Variants in KAT2B observed in about 807,000 individuals in gnomAD.
KAT2B encodes the protein lysine acetyltransferase 2B.
KAT2B carries 36 observed loss-of-function variants against 105.9 expected under a neutral mutation model. The observed-to-expected ratio is 0.34, with a 90% confidence interval of 0.26 to 0.45. KAT2B has a LOEUF of 0.45. KAT2B is among the 20% of genes least tolerant of loss of function. The pLI is 1.00. For synonymous variants in KAT2B, 397 were observed against 377.9 expected (o/e 1.05, Z -0.59); for missense variants, 820 against 1,021.6 (o/e 0.80, Z 2.69).
At chr3:20,148,551 T>G in intron 17 of KAT2B, 64 bp downstream of exon 17, 5 of 1,194,412 alleles carry the variant, frequency 4.2e-6, no homozygotes, top group Non-Finnish European at 6.0e-6. Context: ...GGGGGACAAA[T>G]GGTTGCTGAG....
rs1190589579 is a variant in KAT2B, at chr3:20,061,826, AATAT to A, written c.304-10503_304-10500del. Among the ~76,000 whole-genome samples, 61 of 89,310 alleles carry A rather than the reference AATAT, an allele frequency of 6.8e-4. 3 individuals are homozygous for A. The highest frequency in any genetic ancestry group is 2.5e-5 in the Non-Finnish European group (1 of 39,780). The allele number at this position is 89,310 out of a possible 152,430, so 58.6% of individuals were successfully genotyped here. A position where few individuals can be genotyped will look rare whatever the true frequency, so the allele number is the denominator to read the frequency against. ...ATTATATATTATACATAAAGTATAT[AATAT>A]ATAATATACATAAAATATATATAAT... On this transcript the variant is annotated intron_variant, in intron 1 of 17. Transcript: ENST00000263754.
At chr3:20,130,565 G>A (rs918192573) in intron 11 of KAT2B, among the ~76,000 whole-genome samples, 1 of 152,138 alleles carries the variant, frequency 6.6e-6, no homozygotes, top group Non-Finnish European at 1.5e-5. Flanking sequence ...CAAACACCTT[G>A]TTTGGAAATG....
At chr3:20,101,700 T>A (rs1402093572) in intron 5 of KAT2B, among the ~76,000 whole-genome samples, 2 of 152,214 alleles carry the variant, frequency 1.3e-5, no homozygotes, top group African/African-American at 4.8e-5. Flanking sequence ...ACTAGCTATA[T>A]GAGCACTTGA....
chr3:20,053,233 A>T (rs1018909984), intron 1 of KAT2B, among the ~76,000 whole-genome samples: 2 of 152,120 alleles, frequency 1.3e-5, no homozygotes, highest in Non-Finnish European at 2.9e-5. Flanking sequence ...AGTTACAATT[A>T]AATTCTTAAG....
chr3:20,152,100 T>G (rs1699878558), intron 17 of KAT2B, among the ~76,000 whole-genome samples: 1 of 152,086 alleles, frequency 6.6e-6, no homozygotes, highest in Non-Finnish European at 1.5e-5. Context: ...CTAATAATGG[T>G]CCCTTTAATG....
At chr3:20,119,281 T>TC (rs1223719000) in intron 7 of KAT2B, among the ~76,000 whole-genome samples, 1 of 151,152 alleles carries the variant, frequency 6.6e-6, no homozygotes, top group East Asian at 1.9e-4. Flanking sequence ...AATAGTGATT[T>TC]TTTTTTTTTT....
chr3:20,087,630 T>G (rs1244285196), intron 2 of KAT2B, among the ~76,000 whole-genome samples: 1 of 152,188 alleles, frequency 6.6e-6, no homozygotes, highest in Non-Finnish European at 1.5e-5. Context: ...AAATGAAACT[T>G]TGTACTCTGT....
chr3:20,136,865 C>T (rs1699607779), intron 11 of KAT2B, 77 bp from the exon 12 acceptor site: 2 of 689,148 alleles, frequency 2.9e-6, no homozygotes, highest in African/African-American at 3.6e-5. Flanking sequence ...TCTGAATTCA[C>T]CATCATTTCC....
Position 20,062,197 on chromosome 3 carries a change from AT to A in KAT2B, c.304-10135del, listed in dbSNP as rs368523401. ...ATAATATATAATATATAAAATATAT[AT>A]ATTTTATATAAAATATATTATATAT... is the stretch of plus-strand genomic sequence containing the variant. On this transcript the variant is annotated intron_variant, in intron 1 of 17. Transcript: ENST00000263754. Among the ~76,000 whole-genome samples, 61 of 40,052 alleles carry A rather than the reference AT, an allele frequency of 1.5e-3. 5 individuals carry two copies. Among genetic ancestry groups the A allele is most frequent in the African/African-American group, 4.7e-3 (53 of 11,296 alleles). 26.3% of individuals were successfully genotyped at this position (40,052 alleles called of 152,430 possible). A position where few individuals can be genotyped will look rare whatever the true frequency, so the allele number is the denominator to read the frequency against.
chr3:20,070,783 C>T (rs1197116525), intron 1 of KAT2B, among the ~76,000 whole-genome samples: 1 of 151,262 alleles, frequency 6.6e-6, no homozygotes, highest in Non-Finnish European at 1.5e-5. Context: ...CCAAGGTGGG[C>T]GGATCACCTG....
intron 1 of KAT2B, among the ~76,000 whole-genome samples, chr3:20,054,497 A>G (rs1575106586): frequency 6.6e-6 from 1 of 152,326 alleles, no homozygotes; most frequent in East Asian, 1.9e-4. Flanking sequence ...ACCTAATATC[A>G]GGAGGAGGTT....
At chr3:20,057,718 G>T (rs1559512441) in intron 1 of KAT2B, among the ~76,000 whole-genome samples, 1 of 152,076 alleles carries the variant, frequency 6.6e-6, no homozygotes. Context: ...CCTTTTCAGG[G>T]GTAATGCATG....
intron 1 of KAT2B, among the ~76,000 whole-genome samples, chr3:20,062,336 A>ATTTAT: frequency 9.7e-6 from 1 of 102,906 alleles, no homozygotes; most frequent in Non-Finnish European, 1.8e-5. Flanking sequence ...ATTATGTATA[A>ATTTAT]AATATAATAT....
intron 1 of KAT2B, among the ~76,000 whole-genome samples, chr3:20,062,768 C>T (rs1242114929): frequency 6.6e-6 from 1 of 151,702 alleles, no homozygotes; most frequent in Admixed American, 6.6e-5. Flanking sequence ...GGCCCATTTT[C>T]ATAATTATTA....
In KAT2B at chr3:20,106,892, A is replaced by G. The variant is rs28695701; in HGVS notation, c.852-4704A>G. On this transcript the variant is annotated intron_variant, in intron 5 of 17. Transcript: ENST00000263754. ...TGAGCCAAAAATGCAAGCCAGATAT[A>G]TAATTAAAAATTTTCTAGTAGCTAC... is the stretch of plus-strand genomic sequence containing the variant. Among the ~76,000 whole-genome samples the G allele has an allele frequency of 1.0e-3, 150 of 146,550 alleles. 1 individual carries two copies. Among genetic ancestry groups the G allele is most frequent in the African/African-American group, 3.5e-3 (141 of 39,932 alleles).
intron 13 of KAT2B, among the ~76,000 whole-genome samples, chr3:20,142,102 A>C (rs1699704511): frequency 6.6e-6 from 1 of 152,214 alleles, no homozygotes; most frequent in Non-Finnish European, 1.5e-5. Context: ...AGCTGAGAGC[A>C]GGATTCCCTT....
At chr3:20,070,054 G>A (rs61440199) in intron 1 of KAT2B, among the ~76,000 whole-genome samples, 11,511 of 152,086 alleles carry the variant, frequency 0.076, 522 homozygotes, top group East Asian at 0.22. Flanking sequence ...GTAAGAGTTG[G>A]GCCTTCCTGA....
chr3:20,098,642 C>G (rs1374585434), intron 3 of KAT2B, among the ~76,000 whole-genome samples: 1 of 152,120 alleles, frequency 6.6e-6, no homozygotes, highest in African/African-American at 2.4e-5. Context: ...GGCCAAGTTC[C>G]TAAATGGTCT....
chr3:20,065,349 G>T (rs1006833246), intron 1 of KAT2B, among the ~76,000 whole-genome samples: 4 of 152,128 alleles, frequency 2.6e-5, no homozygotes, highest in African/African-American at 9.7e-5. Context: ...AAGCTGCAAG[G>T]CCAACTCCCT....
Sources: allele counts gnomAD v4.1 joint callset (sites outside exome capture counted in the v4.1 genomes callset), GRCh38; gene constraint gnomAD v4.1.1; transcripts MANE v1.5; gene names NCBI Gene and HGNC (gene_info 2026-07-23, HGNC 2026-07-21).